RARB: variants seen among roughly 807,000 people sequenced by gnomAD.
The protein encoded by RARB is HBV-activated protein.
Under a neutral mutation model 51.9 loss-of-function variants are expected in RARB, and 17 were observed. The observed-to-expected ratio is 0.33, with a 90% CI of 0.22 to 0.49. The LOEUF is 0.49. Among genes scored for constraint, RARB ranks in the 20% least tolerant of loss-of-function variants. The pLI is 0.99. For synonymous variants in RARB, 215 were observed against 195.4 expected (o/e 1.10, Z -0.84); for missense variants, 369 against 550.8 (o/e 0.67, Z 3.30).
chr3:25,156,433 T>G (rs1700374738), intron 4 of RARB, among the ~76,000 whole-genome samples: 1 of 146,240 alleles, frequency 6.8e-6, no homozygotes, highest in South Asian at 2.2e-4. Context: ...GGCCATTCAT[T>G]GACATCACTA....
upstream of RARB, among the ~76,000 whole-genome samples, chr3:24,829,334 G>T (rs1206391933): frequency 2.6e-5 from 4 of 151,936 alleles, no homozygotes; most frequent in African/African-American, 4.8e-5. Context: ...TGCTCTCAGC[G>T]GCGGCGGCAG....
Position 25,084,749 on chromosome 3 carries a change from T to C in RARB, c.-328+24573T>C, listed in dbSNP as rs28620701. 5.1e-3 allele frequency among the ~76,000 whole-genome samples: 774 copies of C among 151,792 alleles called. 9 individuals carry two copies. Among genetic ancestry groups the C allele is most frequent in the African/African-American group, 0.018 (749 of 41,522 alleles). ...TATTCCATCTGTTTGGGGTTTTTTT[T>C]AATGTTTGTTTCCAGATCTTTGGAT... On this transcript the variant is annotated intron_variant, in intron 3 of 11. Coordinates refer to the RARB transcript ENST00000383772.
At chr3:25,061,514 CTT>C (rs1418199016) in intron 3 of RARB, among the ~76,000 whole-genome samples, 3 of 151,632 alleles carry the variant, frequency 2.0e-5, no homozygotes, top group Non-Finnish European at 4.4e-5. Flanking sequence ...GACTTTGTAA[CTT>C]TGTTTTCTTC....
At chr3:25,212,819 C>A (rs1701731007) in intron 5 of RARB, among the ~76,000 whole-genome samples, 1 of 152,060 alleles carries the variant, frequency 6.6e-6, no homozygotes, top group Non-Finnish European at 1.5e-5. Flanking sequence ...ACTCCATTTC[C>A]CCATGAACTA....
chr3:25,375,311 A>T (rs982615698), intron 5 of RARB, among the ~76,000 whole-genome samples: 1 of 152,180 alleles, frequency 6.6e-6, no homozygotes, highest in African/African-American at 2.4e-5. Context: ...ATTACCTCAT[A>T]ATGATGATCT....
intron 2 of RARB, among the ~76,000 whole-genome samples, chr3:25,488,016 A>G (rs7616278): frequency 0.5 from 75,922 of 152,134 alleles, 19,952 homozygotes; most frequent in South Asian, 0.64. Flanking sequence ...TGGTTGGTCC[A>G]ATCTGGAGGG....
chr3:25,454,627 C>T (rs1017171766), intron 1 of RARB, among the ~76,000 whole-genome samples: 18 of 151,960 alleles, frequency 1.2e-4, no homozygotes, highest in African/African-American at 4.4e-4. Context: ...CAGGCCCAAC[C>T]TAAAATCCTG....
In RARB at chr3:25,545,503, C is replaced by T. The variant is rs144238952; in HGVS notation, c.449-24255C>T. Among the ~76,000 whole-genome samples, 893 of 152,258 alleles carry T rather than the reference C, an allele frequency of 5.9e-3. 14 individuals are homozygous for T. The highest frequency in any genetic ancestry group is 0.02 in the African/African-American group (846 of 41,548). ...GGTGTGTTACTTGCAGTGAACAGTT[C>T]TCCTCAGACCCAGCTGGCCATCCAA... On this transcript the variant is annotated intron_variant, in intron 3 of 7. Transcript: ENST00000330688.
At chr3:25,080,503 G>A (rs377603324) in intron 3 of RARB, among the ~76,000 whole-genome samples, 15 of 152,150 alleles carry the variant, frequency 9.9e-5, no homozygotes, top group East Asian at 7.7e-4. Flanking sequence ...CTGTATTTCC[G>A]CAGCAGCTAT....
chr3:25,390,318 C>T (rs938935573), intron 5 of RARB, among the ~76,000 whole-genome samples: 1 of 152,074 alleles, frequency 6.6e-6, no homozygotes, highest in African/African-American at 2.4e-5. Flanking sequence ...AGCTTGTGGA[C>T]CTTTTCTACC....
rs531089631 is a variant in RARB at position 25,597,619 on chromosome 3, A to T, written c.*1003A>T. ...TTTTTTTTCCAGCCTTCTTGATGCC[A>T]AGGGGCTAATTAATATTAACAACTC... On this transcript the variant is annotated 3_prime_UTR_variant, in exon 8 of 8. Transcript: ENST00000330688. The T allele has an allele frequency of 2.6e-5, 4 of 151,828 alleles. No individual in the cohort carries two copies. The South Asian group carries it at 8.4e-4, about 32-fold the overall frequency. 9.4% of individuals were successfully genotyped at this position (151,828 alleles called of 1,614,324 possible).
chr3:25,093,054 T>C (rs79181138), intron 3 of RARB, among the ~76,000 whole-genome samples: 4,232 of 152,278 alleles, frequency 0.028, 203 homozygotes, highest in African/African-American at 0.097. Flanking sequence ...ATACTGACTA[T>C]GGATTAGTCT....
chr3:24,835,399 C>T (rs975753218), intron 1 of RARB, among the ~76,000 whole-genome samples: 3 of 152,050 alleles, frequency 2.0e-5, no homozygotes, highest in South Asian at 2.1e-4. Context: ...AATTCAGGTA[C>T]CATTTTGGAA....
At chr3:25,110,325 C>T (rs751442470) in intron 3 of RARB, among the ~76,000 whole-genome samples, 1 of 152,180 alleles carries the variant, frequency 6.6e-6, no homozygotes, top group Non-Finnish European at 1.5e-5. Context: ...TAAGGGCATG[C>T]ATATGTGTTA....
chr3:25,255,722 C>T (rs1702848130), intron 5 of RARB, among the ~76,000 whole-genome samples: 2 of 151,942 alleles, frequency 1.3e-5, no homozygotes, highest in African/African-American at 4.8e-5. Flanking sequence ...GTTTTGTGGA[C>T]CTTTTAGTCG....
chr3:25,225,687 C>T (rs751456383), intron 5 of RARB, among the ~76,000 whole-genome samples: 4 of 152,136 alleles, frequency 2.6e-5, no homozygotes, highest in Non-Finnish European at 5.9e-5. Context: ...AATATGACAA[C>T]TGGGTGATAT....
In RARB at chr3:25,203,566, G is replaced by C. The variant is rs190780144; in HGVS notation, c.178+28991G>C. Among the ~76,000 whole-genome samples the C allele has an allele frequency of 3.9e-3, 597 of 152,268 alleles. 10 individuals are homozygous for C. The highest frequency in any genetic ancestry group is 0.03 in the East Asian group (154 of 5,176). On this transcript the variant is annotated intron_variant, in intron 5 of 11. Coordinates refer to the RARB transcript ENST00000383772. The stretch of plus-strand genomic sequence containing the variant: ...ATTCGGCATGTTTTTGCAGTGGCTG[G>C]TACTGGTTGTTCCTTTCCATGTTTA...
intron 2 of RARB, among the ~76,000 whole-genome samples, chr3:25,497,681 G>A (rs1055430165): frequency 4.6e-5 from 7 of 152,254 alleles, no homozygotes; most frequent in East Asian, 1.9e-4. Context: ...CAGCCCAGGC[G>A]TTCAACTCCT....
chr3:24,974,139 T>A (rs1696459809), intron 2 of RARB, among the ~76,000 whole-genome samples: 2 of 152,142 alleles, frequency 1.3e-5, no homozygotes, highest in South Asian at 4.1e-4. Context: ...ATACCCAGTT[T>A]TTTATGGTTT....
Sources: allele counts gnomAD v4.1 joint callset (sites outside exome capture counted in the v4.1 genomes callset), GRCh38; gene constraint gnomAD v4.1.1; transcripts MANE v1.5; gene names NCBI Gene and HGNC (gene_info 2026-07-23, HGNC 2026-07-21).